Variants in PTPRO observed in about 807,000 individuals in gnomAD.
The protein encoded by PTPRO is protein tyrosine phosphatase receptor type O.
Under a neutral mutation model 145.2 loss-of-function variants are expected in PTPRO, and 62 were observed. That is an observed-to-expected ratio of 0.43 (90% CI 0.35 to 0.53). The LOEUF is 0.53. PTPRO is among the 20% of genes least tolerant of loss of function. The pLI, the probability that PTPRO is intolerant of heterozygous loss-of-function variation, is 0.01. For synonymous variants in PTPRO, 565 were observed against 514.7 expected, an observed-to-expected ratio of 1.10 and a Z score of -1.32; for missense variants, 1,345 against 1,482.7, an observed-to-expected ratio of 0.91 and a Z score of 1.53.
intron 3 of PTPRO, among the ~76,000 whole-genome samples, 189 bp downstream of exon 3, chr12:15,497,592 C>G (rs538366251): frequency 6.6e-6 from 1 of 152,356 alleles, no homozygotes; most frequent in South Asian, 2.1e-4. Context: ...TGGTTCATTA[C>G]TTGAGAGTCG....
At chr12:15,529,478 A>G (rs1232717170) in intron 12 of PTPRO, among the ~76,000 whole-genome samples, 1 of 151,188 alleles carries the variant, frequency 6.6e-6, no homozygotes, top group Non-Finnish European at 1.5e-5. Context: ...AAAAAAAAAA[A>G]AAAAGGAAAA....
intron 23 of PTPRO, among the ~76,000 whole-genome samples, chr12:15,584,690 G>A (rs1944393947): frequency 6.6e-6 from 1 of 152,192 alleles, no homozygotes; most frequent in Admixed American, 6.5e-5. Context: ...TGAAGGCTAA[G>A]TTGCCCAAAG....
chr12:15,389,083 T>C (rs1279216124), intron 1 of PTPRO, among the ~76,000 whole-genome samples: 1 of 151,706 alleles, frequency 6.6e-6, no homozygotes, highest in African/African-American at 2.4e-5. Context: ...AGCAAGACCC[T>C]GTCTCGAAAA....
At chr12:15,516,259 T>A (rs1942582735) in intron 8 of PTPRO, among the ~76,000 whole-genome samples, 1 of 148,664 alleles carries the variant, frequency 6.7e-6, no homozygotes, top group African/African-American at 2.5e-5. Flanking sequence ...AGTGCTGGGA[T>A]TACAGGCATG....
At chr12:15,473,394 T>C (rs1379047510) in intron 1 of PTPRO, among the ~76,000 whole-genome samples, 3 of 152,186 alleles carry the variant, frequency 2.0e-5, no homozygotes, top group Non-Finnish European at 4.4e-5. Flanking sequence ...TCCAGGGCCC[T>C]GTGAACAAAA....
chr12:15,439,593 A>G (rs1940699975), intron 1 of PTPRO: 1 of 288,368 alleles, frequency 3.5e-6, no homozygotes, highest in Non-Finnish European at 6.8e-6. Flanking sequence ...GGGGAACCAC[A>G]GTGGCTTTCG....
intron 12 of PTPRO, among the ~76,000 whole-genome samples, chr12:15,537,498 T>C (rs1943088923): frequency 6.6e-6 from 1 of 152,104 alleles, no homozygotes; most frequent in Non-Finnish European, 1.5e-5. Context: ...AGGTCAAACC[T>C]GTGAACAAAT....
intron 1 of PTPRO, among the ~76,000 whole-genome samples, chr12:15,467,543 C>A (rs2613870): frequency 0.014 from 2,160 of 152,048 alleles, 52 homozygotes; most frequent in African/African-American, 0.05. Flanking sequence ...CACCCTAGTC[C>A]TAGTGGCCAT....
At chr12:15,370,130 G>A (rs1242367055) in intron 1 of PTPRO, among the ~76,000 whole-genome samples, 1 of 152,098 alleles carries the variant, frequency 6.6e-6, no homozygotes, top group Non-Finnish European at 1.5e-5. Flanking sequence ...TTTAACAGAA[G>A]GTTTTTGAGT....
chr12:15,484,273 C>T (rs374529271), intron 2 of PTPRO, 26 bp downstream of exon 2: 14 of 1,611,754 alleles, frequency 8.7e-6, no homozygotes, highest in South Asian at 2.2e-5. Context: ...AATATTGTCC[C>T]GTTTCTTCTT....
intron 1 of PTPRO, among the ~76,000 whole-genome samples, chr12:15,436,533 A>G (rs1225393647): frequency 6.6e-6 from 1 of 152,212 alleles, no homozygotes; most frequent in African/African-American, 2.4e-5. Flanking sequence ...TTTCCACTGG[A>G]GATCCAAGCA....
At chr12:15,433,605 G>T (rs1363272872) in intron 1 of PTPRO, among the ~76,000 whole-genome samples, 1 of 152,188 alleles carries the variant, frequency 6.6e-6, no homozygotes, top group Non-Finnish European at 1.5e-5. Context: ...ACCATTTATT[G>T]AATAGGGAGT....
chr12:15,359,832 C>T (rs773098110), intron 1 of PTPRO, among the ~76,000 whole-genome samples: 3 of 152,126 alleles, frequency 2.0e-5, no homozygotes, highest in East Asian at 1.9e-4. Context: ...CTCTCTAGGA[C>T]TTTCTTCTCA....
chr12:15,489,136 T>G (rs780148032), intron 2 of PTPRO, among the ~76,000 whole-genome samples: 1 of 152,072 alleles, frequency 6.6e-6, no homozygotes, highest in African/African-American at 2.4e-5. Context: ...TAAAGATAGA[T>G]AAAAATACTC....
intron 1 of PTPRO, among the ~76,000 whole-genome samples, chr12:15,327,034 T>C (rs1043804013): frequency 1.3e-5 from 2 of 152,222 alleles, no homozygotes; most frequent in Non-Finnish European, 2.9e-5. Context: ...ATTTTCTGCA[T>C]TATATAAAAG....
chr12:15,429,540 G>T (rs1165913513), intron 1 of PTPRO, among the ~76,000 whole-genome samples: 1 of 152,142 alleles, frequency 6.6e-6, no homozygotes, highest in Non-Finnish European at 1.5e-5. Flanking sequence ...ACAGGGAAAA[G>T]AATAATAATC....
chr12:15,490,018 G>A (rs1941968222), intron 2 of PTPRO, among the ~76,000 whole-genome samples: 1 of 152,146 alleles, frequency 6.6e-6, no homozygotes, highest in Non-Finnish European at 1.5e-5. Flanking sequence ...TAACAAGAAA[G>A]GTGGCTAGAA....
At chr12:15,358,245 AG>A (rs2064052909) in intron 1 of PTPRO, among the ~76,000 whole-genome samples, 1 of 76,304 alleles carries the variant, frequency 1.3e-5, no homozygotes. Context: ...GGGTGGGGGG[AG>A]GGGGGAGGGA....
intron 4 of PTPRO, 59 bp downstream of exon 4, chr12:15,499,653 C>G: frequency 6.5e-7 from 1 of 1,542,510 alleles, no homozygotes; most frequent in South Asian, 1.1e-5. Flanking sequence ...TTTTGCTGTA[C>G]ATTTATTTTT....
Sources: allele counts gnomAD v4.1 joint callset (sites outside exome capture counted in the v4.1 genomes callset), GRCh38; gene constraint gnomAD v4.1.1; transcripts MANE v1.5; gene names NCBI Gene and HGNC (gene_info 2026-07-23, HGNC 2026-07-21).